Variants in CDH4 observed in about 807,000 individuals in gnomAD.
The protein encoded by CDH4 is cadherin-4.
A neutral mutation model predicts 86.0 loss-of-function variants in CDH4; 33 were observed. The observed-to-expected ratio is 0.38, with a 90% CI of 0.29 to 0.51. CDH4 has a LOEUF of 0.51. Among genes scored for constraint, CDH4 ranks in the 20% least tolerant of loss-of-function variants. CDH4 has a pLI of 0.86. For missense variants in CDH4, 1,114 were observed against 1,307.4 expected, an observed-to-expected ratio of 0.85 and a Z score of 2.28; for synonymous variants, 555 against 549.4, an observed-to-expected ratio of 1.01 and a Z score of -0.14.
chr20:61,578,001 C>T (rs2086396622), intron 2 of CDH4, among the ~76,000 whole-genome samples: 1 of 152,176 alleles, frequency 6.6e-6, no homozygotes, highest in African/African-American at 2.4e-5. Context: ...ACAGCCTCCC[C>T]ACCATGCAGG....
intron 2 of CDH4, among the ~76,000 whole-genome samples, chr20:61,566,840 G>A (rs984796727): frequency 4.6e-5 from 7 of 152,088 alleles, no homozygotes; most frequent in East Asian, 3.9e-4. Flanking sequence ...GCGCCTCCTC[G>A]GGGAGTTCTG....
At chr20:61,487,559 A>G (rs917712192) in intron 2 of CDH4, among the ~76,000 whole-genome samples, 4 of 152,296 alleles carry the variant, frequency 2.6e-5, no homozygotes, top group African/African-American at 9.6e-5. Context: ...TGCCCTTTAA[A>G]CAACTGGAGT....
At chr20:61,841,300 C>T (rs1243840033) in intron 4 of CDH4, among the ~76,000 whole-genome samples, 2 of 152,258 alleles carry the variant, frequency 1.3e-5, no homozygotes, top group Non-Finnish European at 2.9e-5. Context: ...CTCTGTACTC[C>T]ACCTCAGCTG....
chr20:61,496,050 T>C (rs545750925), intron 2 of CDH4, among the ~76,000 whole-genome samples: 5 of 152,170 alleles, frequency 3.3e-5, no homozygotes, highest in Non-Finnish European at 7.4e-5. Flanking sequence ...AAAATTTTCA[T>C]ACTTACAGAA....
chr20:61,440,133 A>G (rs961797777), intron 2 of CDH4, among the ~76,000 whole-genome samples: 5 of 152,244 alleles, frequency 3.3e-5, no homozygotes, highest in African/African-American at 1.2e-4. Flanking sequence ...TATCTTCATC[A>G]TGAAGATGAA....
At chr20:61,352,837 T>C (rs1169919176) in intron 2 of CDH4, among the ~76,000 whole-genome samples, 2 of 152,112 alleles carry the variant, frequency 1.3e-5, no homozygotes, top group African/African-American at 2.4e-5. Context: ...CATCCGGCAG[T>C]GCAGCCAGGA....
chr20:61,468,218 C>T (rs1165325238), intron 2 of CDH4, among the ~76,000 whole-genome samples: 1 of 152,178 alleles, frequency 6.6e-6, no homozygotes, highest in Non-Finnish European at 1.5e-5. Flanking sequence ...ACCTCCACCC[C>T]ATATCACATT....
chr20:61,786,522 C>G (rs962207419), intron 4 of CDH4, among the ~76,000 whole-genome samples: 1 of 152,078 alleles, frequency 6.6e-6, no homozygotes, highest in Admixed American at 6.6e-5. Context: ...TTGTGTTTAC[C>G]GCCCTCTCAT....
chr20:61,633,839 T>TC (rs1218033658), intron 2 of CDH4, among the ~76,000 whole-genome samples: 2 of 151,758 alleles, frequency 1.3e-5, no homozygotes, highest in Admixed American at 6.6e-5. Flanking sequence ...GAGTGCCATC[T>TC]CCCCCCCAGC....
In CDH4 at chr20:61,627,540, G is replaced by A. The variant is rs1045507048; in HGVS notation, c.170-116023G>A. 3.9e-5 allele frequency among the ~76,000 whole-genome samples: 6 copies of A among 152,306 alleles called. No individual in the cohort carries two copies. In the East Asian group the frequency reaches 5.8e-4, roughly 15 times the overall value. On this transcript the variant is annotated intron_variant, in intron 2 of 15. Transcript: ENST00000614565. ...CCAGACATCGCCAAGTGTCCCCTGC[G>A]GAGCAGATGTGCCCGCATGGAGAGC... is the stretch of plus-strand genomic sequence containing the variant.
At chr20:61,460,792 G>A (rs774832835) in intron 2 of CDH4, among the ~76,000 whole-genome samples, 2 of 152,228 alleles carry the variant, frequency 1.3e-5, no homozygotes, top group Non-Finnish European at 2.9e-5. Flanking sequence ...CAGGCCTCTC[G>A]AGAGCTGGGG....
chr20:61,733,848 A>G (rs2088228007), intron 2 of CDH4, among the ~76,000 whole-genome samples: 1 of 152,188 alleles, frequency 6.6e-6, no homozygotes, highest in Non-Finnish European at 1.5e-5. Context: ...ATCTTTCTCA[A>G]TTCACCTAAC....
chr20:61,857,899 CTCTGTGTGCA>C (rs1438431519), intron 6 of CDH4, among the ~76,000 whole-genome samples: 1 of 151,410 alleles, frequency 6.6e-6, no homozygotes, highest in African/African-American at 2.4e-5. Flanking sequence ...GTGTGTGTGT[CTCTGTGTGCA>C]TCTGTGTGTG....
intron 2 of CDH4, among the ~76,000 whole-genome samples, chr20:61,365,488 G>T (rs2084806756): frequency 6.6e-6 from 1 of 152,132 alleles, no homozygotes; most frequent in African/African-American, 2.4e-5. Flanking sequence ...ACAGGAGGCG[G>T]CACTCACTAT....
At chr20:61,860,666 A>C (rs1983282159) in intron 6 of CDH4, among the ~76,000 whole-genome samples, 1 of 152,190 alleles carries the variant, frequency 6.6e-6, no homozygotes, top group South Asian at 2.1e-4. Flanking sequence ...GCAGGTTCTC[A>C]GGAGGGGAAG....
At chr20:61,324,985 G>T (rs1014560337) in intron 2 of CDH4, among the ~76,000 whole-genome samples, 1 of 152,186 alleles carries the variant, frequency 6.6e-6, no homozygotes, top group Non-Finnish European at 1.5e-5. Flanking sequence ...AGCCATGCCT[G>T]CAGGGGTCCT....
At chr20:61,462,272 A>C (rs2085448345) in intron 2 of CDH4, among the ~76,000 whole-genome samples, 1 of 152,178 alleles carries the variant, frequency 6.6e-6, no homozygotes, top group Non-Finnish European at 1.5e-5. Context: ...AAGATGAAGG[A>C]TATCTTAAGA....
intron 2 of CDH4, among the ~76,000 whole-genome samples, chr20:61,535,216 G>GTGTTTT (rs2085987628): frequency 6.6e-6 from 1 of 152,230 alleles, no homozygotes; most frequent in South Asian, 2.1e-4. Context: ...AGGCTCAGAA[G>GTGTTTT]TGCGACCTGA....
chr20:61,635,257 C>T (rs970776506), intron 2 of CDH4, among the ~76,000 whole-genome samples: 12 of 152,338 alleles, frequency 7.9e-5, no homozygotes, highest in East Asian at 5.8e-4. Flanking sequence ...TCCCCACCAG[C>T]GATGCACAAG....
Sources: gnomAD v4.1 joint callset for allele counts (sites outside exome capture counted in the v4.1 genomes callset) on GRCh38, gnomAD v4.1.1 for gene constraint, MANE v1.5 for transcripts, NCBI Gene and HGNC (gene_info 2026-07-23, HGNC 2026-07-21) for gene names.